TMEM17: variants seen among roughly 807,000 people sequenced by gnomAD.
TMEM17 encodes the protein transmembrane protein 17.
TMEM17 carries 15 observed loss-of-function variants against 19.1 expected under a neutral mutation model. The observed-to-expected ratio is 0.78, with a 90% confidence interval of 0.52 to 1.21. The LOEUF (loss-of-function observed/expected upper bound fraction) is 1.21. TMEM17 is among the 50% of genes most tolerant of loss of function. The probability of loss-of-function intolerance (pLI) is 0.00; values close to 1 mark genes in which losing one functional copy is unlikely to be tolerated. For synonymous variants in TMEM17, 103 were observed against 86.9 expected (o/e 1.19, Z -1.03); for missense variants, 245 against 242.3 (o/e 1.01, Z -0.07).
intron 3 of TMEM17, 84 bp from the exon 4 acceptor site, chr2:62,501,571 G>T (rs1214501580): frequency 9.0e-6 from 12 of 1,337,106 alleles, no homozygotes; most frequent in Non-Finnish European, 1.1e-5. Flanking sequence ...TATCACTACC[G>T]TGAACCTACA....
chr2:62,498,228 T>TA (rs1206138163), downstream of TMEM17, among the ~76,000 whole-genome samples: 1 of 149,506 alleles, frequency 6.7e-6, no homozygotes, highest in Non-Finnish European at 1.5e-5. Context: ...CTACTAAAAA[T>TA]ACAAAAAAAT....
chr2:62,503,962 G>A (rs1679999466), intron 1 of TMEM17, among the ~76,000 whole-genome samples: 1 of 152,180 alleles, frequency 6.6e-6, no homozygotes, highest in Non-Finnish European at 1.5e-5. Context: ...TTAAAATTGA[G>A]CCCTACAAAA....
chr2:62,489,336 A>G, the TMEM17 span, among the ~76,000 whole-genome samples: 1,082 of 152,288 alleles, frequency 7.1e-3, 4 homozygotes, highest in Non-Finnish European at 0.011. Flanking sequence ...TGAAATCATA[A>G]AAGTCTCTTT....
At chr2:62,476,428 G>C in the TMEM17 span, among the ~76,000 whole-genome samples, 1 of 152,204 alleles carries the variant, frequency 6.6e-6, no homozygotes, top group African/African-American at 2.4e-5. Flanking sequence ...AACAGCTTCT[G>C]CAGAAAGACA....
chr2:62,473,351 C>A, the TMEM17 span, among the ~76,000 whole-genome samples: 1,453 of 152,254 alleles, frequency 9.5e-3, 17 homozygotes, highest in African/African-American at 0.032. Context: ...CCCTGTGGGC[C>A]AAGCTGAGGA....
At chr2:62,489,188 C>T in the TMEM17 span, among the ~76,000 whole-genome samples, 1 of 152,202 alleles carries the variant, frequency 6.6e-6, no homozygotes, top group Admixed American at 6.5e-5. Flanking sequence ...AACTCCAAAG[C>T]ACTGCTGTCT....
the TMEM17 span, among the ~76,000 whole-genome samples, chr2:62,468,807 T>C: frequency 2.6e-5 from 4 of 152,200 alleles, no homozygotes; most frequent in Non-Finnish European, 5.9e-5. Context: ...GTCAGAGAAC[T>C]GGGGGATGGC....
At position 62,500,218 on chromosome 2, in the gene TMEM17, T is replaced by C. The variant is rs1442748177; in HGVS notation, c.*991A>G. 6.6e-6 allele frequency: 1 copy of C among 152,198 alleles called. No individual in the cohort carries two copies. The highest frequency in any genetic ancestry group is 1.5e-5 in the Non-Finnish European group (1 of 68,028). The allele number at this position is 152,198 out of a possible 1,614,324, so 9.4% of individuals were successfully genotyped here. On this transcript the variant is annotated 3_prime_UTR_variant, in exon 4 of 4. Coordinates refer to ENST00000335390, the MANE Select transcript of TMEM17 (RefSeq NM_198276.3). ...AAATAATTGCACAAGACAAGGATGA[T>C]TTGCTGCTGATACCTTAAATATTTA...
At chr2:62,506,003 C>G in intron 1 of TMEM17, 27 bp downstream of exon 1, 1 of 1,585,044 alleles carries the variant, frequency 6.3e-7, no homozygotes, top group Non-Finnish European at 8.6e-7. Flanking sequence ...CAGGCCACAC[C>G]CCCTGCACCG....
At chr2:62,478,651 A>G in the TMEM17 span, among the ~76,000 whole-genome samples, 1 of 152,224 alleles carries the variant, frequency 6.6e-6, no homozygotes, top group Admixed American at 6.5e-5. Context: ...GTCTGAGCCA[A>G]TGCTGGATGA....
downstream of TMEM17, among the ~76,000 whole-genome samples, chr2:62,495,507 C>T (rs1377328245): frequency 6.6e-6 from 1 of 152,134 alleles, no homozygotes; most frequent in African/African-American, 2.4e-5. Context: ...CCCAAATTAA[C>T]AGTCTCTTAA....
chr2:62,504,332 C>T (rs1417995994), intron 1 of TMEM17, among the ~76,000 whole-genome samples: 1 of 152,156 alleles, frequency 6.6e-6, no homozygotes, highest in Non-Finnish European at 1.5e-5. Context: ...TACAAAGCTG[C>T]GGACATGGTA....
chr2:62,488,928 G>T, the TMEM17 span, among the ~76,000 whole-genome samples: 1 of 150,980 alleles, frequency 6.6e-6, no homozygotes, highest in Non-Finnish European at 1.5e-5. Context: ...GTACTTGATT[G>T]ACTTTTAGTC....
At chr2:62,474,361 A>G in the TMEM17 span, among the ~76,000 whole-genome samples, 1 of 152,168 alleles carries the variant, frequency 6.6e-6, no homozygotes, top group African/African-American at 2.4e-5. Flanking sequence ...ACAGCATTCC[A>G]TGTCCACAGG....
At chr2:62,468,990 A>G in the TMEM17 span, among the ~76,000 whole-genome samples, 1 of 152,250 alleles carries the variant, frequency 6.6e-6, no homozygotes, top group Admixed American at 6.5e-5. Context: ...AGGCCCAGCA[A>G]TGGCAGCCAC....
chr2:62,486,908 T>C, the TMEM17 span, among the ~76,000 whole-genome samples: 1 of 152,076 alleles, frequency 6.6e-6, no homozygotes, highest in African/African-American at 2.4e-5. Context: ...TGGATGCGCT[T>C]TGCTGATCTA....
intron 3 of TMEM17, chr2:62,502,129 T>C: frequency 1.1e-5 from 2 of 182,328 alleles, no homozygotes; most frequent in Non-Finnish European, 2.3e-5. Context: ...AACCATGTAT[T>C]TTCAAGACTG....
the TMEM17 span, among the ~76,000 whole-genome samples, chr2:62,468,520 A>C: frequency 3.3e-5 from 5 of 152,198 alleles, no homozygotes; most frequent in African/African-American, 1.2e-4. Flanking sequence ...TGTTTTTGTC[A>C]CATCTACGTT....
chr2:62,501,523 T>A, intron 3 of TMEM17, 36 bp from the exon 4 acceptor site: 1 of 1,578,084 alleles, frequency 6.3e-7, no homozygotes, highest in African/African-American at 1.4e-5. Context: ...TAAAAATCAG[T>A]AAAATACAGT....
Sources: gnomAD v4.1 joint callset for allele counts (sites outside exome capture counted in the v4.1 genomes callset) on GRCh38, gnomAD v4.1.1 for gene constraint, MANE v1.5 for transcripts, NCBI Gene and HGNC (gene_info 2026-07-23, HGNC 2026-07-21) for gene names.